SMOX: variants seen among roughly 807,000 people sequenced by gnomAD.
SMOX encodes the protein flavin containing amine oxidase.
SMOX carries 22 observed loss-of-function variants against 51.0 expected under a neutral mutation model. The observed-to-expected ratio is 0.43, with a 90% CI of 0.31 to 0.62. The LOEUF is 0.62. Among genes scored for constraint, SMOX ranks in the 20% least tolerant of loss-of-function variants. The pLI is 0.10. For missense variants in SMOX, 566 were observed against 777.7 expected, an observed-to-expected ratio of 0.73 and a Z score of 3.24; for synonymous variants, 282 against 307.8, an observed-to-expected ratio of 0.92 and a Z score of 0.88.
rs1271249488 is a variant in SMOX at position 4,182,438 on chromosome 20, G to A, written c.959G>A (p.Cys320Tyr). Residue 320 changes from cysteine (C) to tyrosine (Y), a missense_variant, in exon 5 of 7, where the codon TGT (cysteine) becomes TAT (tyrosine). Cys to Tyr is a radical substitution (Grantham distance 194). Transcript: ENST00000305958. The surrounding 1 kb of genome is among the most constrained non-coding windows in gnomAD (Gnocchi z 8.4). ...QWSVVVECED[C>Y]ELIPADHVIV... Reference sequence around the variant, plus strand: ...TCGGTGGTGGTGGAGTGCGAGGACTGTGAGCTGATCCCGGCGGACCATGTG... The same window carrying A: ...TCGGTGGTGGTGGAGTGCGAGGACTATGAGCTGATCCCGGCGGACCATGTG... 6.2e-7 allele frequency: 1 copy of A among 1,602,536 alleles called. No individual in the cohort carries two copies.
At chr20:4,186,424 C>T (rs1041825616) in intron 6 of SMOX, among the ~76,000 whole-genome samples, 4 of 152,190 alleles carry the variant, frequency 2.6e-5, no homozygotes, top group African/African-American at 7.2e-5. Context: ...AGAACTTGTA[C>T]CTTGCCTAGA....
rs180931101 is a variant in SMOX, at chr20:4,173,297, G to C, written c.-26-1733G>C. ...ATAGATTGGGTTTGCCTCTTCCTGA[G>C]CTTCGTGTGAATGAAGTCATACAGT... On this transcript the variant is annotated intron_variant, in intron 1 of 6. Coordinates refer to ENST00000305958, the MANE Select transcript of SMOX (RefSeq NM_175839.3). 3.9e-5 allele frequency among the ~76,000 whole-genome samples: 6 copies of C among 152,264 alleles called. No individual in the cohort carries two copies. In the East Asian group the frequency reaches 9.6e-4, roughly 24 times the overall value.
chr20:4,160,911 AG>A (rs1475497610), intron 1 of SMOX, among the ~76,000 whole-genome samples: 1 of 152,202 alleles, frequency 6.6e-6, no homozygotes, highest in East Asian at 1.9e-4. Flanking sequence ...CTCAGGAGGC[AG>A]GATGGGCTTG....
chr20:4,187,411 C>T lies in SMOX; in HGVS notation c.*4C>T. ...CCTCTTCCAGCAGGGGACCTGAGGG[C>T]TGTCCTCGCTGCTGAGAAGAGCCAC... On this transcript the variant is annotated 3_prime_UTR_variant, in exon 7 of 7. Transcript: ENST00000305958. The surrounding 1 kb of genome is among the most constrained non-coding windows in gnomAD (Gnocchi z 4.8). 6.2e-7 allele frequency: 1 copy of T among 1,612,876 alleles called. No individual in the cohort carries two copies. The highest frequency in any genetic ancestry group is 8.5e-7 in the Non-Finnish European group (1 of 1,179,246).
At chr20:4,180,157 C>T (rs1979215116) in intron 3 of SMOX, among the ~76,000 whole-genome samples, 1 of 152,196 alleles carries the variant, frequency 6.6e-6, no homozygotes, top group African/African-American at 2.4e-5. Context: ...CTGAGGACTC[C>T]AGCTAAGGCT....
At chr20:4,165,794 G>A (rs1384436383) in intron 1 of SMOX, among the ~76,000 whole-genome samples, 3 of 152,206 alleles carry the variant, frequency 2.0e-5, no homozygotes, top group Non-Finnish European at 4.4e-5. Flanking sequence ...AGAGGCTGCT[G>A]CTGGGCAGTT....
rs778483532 is a variant in SMOX, at chr20:4,182,702, T to C, written c.1223T>C (p.Ile408Thr). 6.2e-7 allele frequency: 1 copy of C among 1,614,148 alleles called. No individual in the cohort carries two copies. The highest frequency in any genetic ancestry group is 1.1e-5 in the South Asian group (1 of 91,084). The part of the protein sequence containing the change: ...TYPPELWYRK[I>T]CGFDVLYPPE... ...CCACCTGAGCTCTGGTACCGCAAGA[T>C]CTGCGGCTTTGATGTCCTCTACCCG... Residue 408 changes from isoleucine (I) to threonine (T), a missense_variant, in exon 5 of 7, where the codon ATC (isoleucine) becomes ACC (threonine). Physicochemically the swap from Ile to Thr is moderately conservative, Grantham distance 89 (BLOSUM62 -1). Transcript: ENST00000305958. This position sits in a 1 kb window ranked among gnomAD's most constrained non-coding sequence, Gnocchi z 8.4.
At chr20:4,154,168 G>A (rs928214916) in intron 1 of SMOX, among the ~76,000 whole-genome samples, 1 of 152,192 alleles carries the variant, frequency 6.6e-6, no homozygotes, top group Non-Finnish European at 1.5e-5. Context: ...CTGCCAAGCT[G>A]CTGAGTCTGG....
intron 1 of SMOX, among the ~76,000 whole-genome samples, chr20:4,156,670 G>A (rs549582877): frequency 6.6e-6 from 1 of 152,328 alleles, no homozygotes; most frequent in East Asian, 1.9e-4. Context: ...GCCTCACTGG[G>A]TGAATGAGGA....
chr20:4,169,924 G>A lies in SMOX; in HGVS notation c.-26-5106G>A, dbSNP rs1986751374. Among the ~76,000 whole-genome samples, 3 of 152,118 alleles carry A rather than the reference G, an allele frequency of 2.0e-5. No individual in the cohort carries two copies. The South Asian group carries it at 6.2e-4, about 32-fold the overall frequency. On this transcript the variant is annotated intron_variant, in intron 1 of 6. Coordinates refer to ENST00000305958, the MANE Select transcript of SMOX (RefSeq NM_175839.3). ...AGACTTTTGGTGAAGTTGGGGGTCT[G>A]TGTGTATGTTTTGGCGGGGAGTTGT... is the stretch of plus-strand genomic sequence containing the variant.
rs1049983033 is a variant in SMOX at position 4,172,243 on chromosome 20, G to A, written c.-26-2787G>A. 6.6e-5 allele frequency among the ~76,000 whole-genome samples: 10 copies of A among 152,230 alleles called. No individual in the cohort carries two copies. The highest frequency in any genetic ancestry group is 8.8e-5 in the Non-Finnish European group (6 of 68,030). On this transcript the variant is annotated intron_variant, in intron 1 of 6. Transcript: ENST00000305958. This position sits in a 1 kb window ranked among gnomAD's most constrained non-coding sequence, Gnocchi z 7.7. ...CCCGCCGGGCGGGTTGCGGCGCCAC[G>A]TCAGTCCAGGGTGCCCAGGGTGGCG... is the stretch of plus-strand genomic sequence containing the variant.
chr20:4,160,215 G>C (rs896741238), intron 1 of SMOX, among the ~76,000 whole-genome samples: 1 of 152,198 alleles, frequency 6.6e-6, no homozygotes, highest in African/African-American at 2.4e-5. Flanking sequence ...AAAGCAGGTA[G>C]CTTCCCGGTG....
At chr20:4,154,735 G>A (rs1295103291) in intron 1 of SMOX, among the ~76,000 whole-genome samples, 2 of 152,096 alleles carry the variant, frequency 1.3e-5, no homozygotes, top group Non-Finnish European at 2.9e-5. Flanking sequence ...TGTATAGCAA[G>A]GATTTAGACT....
rs1298946782 is a variant in SMOX at position 4,148,963 on chromosome 20, G to C, written c.-41G>C. On this transcript the variant is annotated 5_prime_UTR_variant, in exon 1 of 7. Coordinates refer to ENST00000305958, the MANE Select transcript of SMOX (RefSeq NM_175839.3). ...CGCTCGCCGCAGACTTACTTCCCCGGCTCAGCAGGGAAAGGTACGGTGCGC... is the reference window on the plus strand; with the variant it reads ...CGCTCGCCGCAGACTTACTTCCCCGCCTCAGCAGGGAAAGGTACGGTGCGC... 1.3e-5 allele frequency: 2 copies of C among 151,900 alleles called. No individual in the cohort carries two copies. Among genetic ancestry groups the C allele is most frequent in the Admixed American group, 6.6e-5 (1 of 15,244 alleles). 9.4% of individuals were successfully genotyped at this position (151,900 alleles called of 1,614,324 possible). A position where few individuals can be genotyped will look rare whatever the true frequency, so the allele number is the denominator to read the frequency against.
rs1457713610 is a variant in SMOX at position 4,187,330 on chromosome 20, G to A, written c.1591G>A (p.Gly531Ser). The A allele has an allele frequency of 1.2e-6, 2 of 1,614,156 alleles. No individual in the cohort carries two copies. Among genetic ancestry groups the A allele is most frequent in the East Asian group, 2.2e-5 (1 of 44,872 alleles). The change falls in exon 7 of 7, where the codon GGT becomes AGT. Residue 531 changes from glycine to serine, a missense_variant. By Grantham distance (56) the Gly-to-Ser change is moderately conservative. Around this residue, in one of 3 missense-constraint regions of SMOX, gnomAD observed 347 missense variants for 481.8 expected, o/e 0.72. Transcript: ENST00000305958. The surrounding 1 kb of genome is among the most constrained non-coding windows in gnomAD (Gnocchi z 4.8). The stretch of plus-strand genomic sequence containing the variant: ...CCGCAAGTACTATTCCACCACCCAC[G>A]GTGCTCTGCTGTCCGGCCAGCGTGA... ...THRKYYSTTHGALLSGQREAA... is the reference protein window; with the variant it reads ...THRKYYSTTHSALLSGQREAA...
At position 4,182,323 on chromosome 20, in the gene SMOX, G is replaced by T; in HGVS notation, c.844G>T (p.Gly282Cys). The T allele has an allele frequency of 6.3e-7, 1 of 1,597,288 alleles. No homozygotes were observed. The highest frequency in any genetic ancestry group is 8.6e-7 in the Non-Finnish European group (1 of 1,168,480). Residue 282 changes from glycine (G) to cysteine (C), a missense_variant, in exon 5 of 7, where the codon GGT (glycine) becomes TGT (cysteine). Transcript: ENST00000305958. This position sits in a 1 kb window ranked among gnomAD's most constrained non-coding sequence, Gnocchi z 8.4. The stretch of plus-strand genomic sequence containing the variant: ...CAGAGGCCCTGAGATTGAGCCCCGG[G>T]GTGAGGGCGACCACAATCACGACAC... ...RPRGPEIEPRGEGDHNHDTGE... is the reference protein window; with the variant it reads ...RPRGPEIEPRCEGDHNHDTGE...
intron 1 of SMOX, among the ~76,000 whole-genome samples, chr20:4,161,762 T>A (rs186580435): frequency 6.6e-6 from 1 of 152,292 alleles, no homozygotes; most frequent in African/African-American, 2.4e-5. Flanking sequence ...GGCGTCTGGG[T>A]GTTGCAGTAT....
At position 4,174,312 on chromosome 20, in the gene SMOX, A is replaced by G. The variant is rs1051684852; in HGVS notation, c.-26-718A>G. ...AGGGTCCAGGGTTGTGTGTGCAAGTATCCTGGGATCTGTGTTGAGTATCCT... is the reference window on the plus strand; with the variant it reads ...AGGGTCCAGGGTTGTGTGTGCAAGTGTCCTGGGATCTGTGTTGAGTATCCT... On this transcript the variant is annotated intron_variant, in intron 1 of 6. Coordinates refer to ENST00000305958, the MANE Select transcript of SMOX (RefSeq NM_175839.3). Among the ~76,000 whole-genome samples, 8 of 152,018 alleles carry G rather than the reference A, an allele frequency of 5.3e-5. No individual in the cohort carries two copies. The South Asian group carries it at 8.3e-4, about 16-fold the overall frequency.
rs1244075756 is a variant in SMOX at position 4,177,872 on chromosome 20, CTT to C, written c.435+301_435+302del. Among the ~76,000 whole-genome samples the C allele has an allele frequency of 6.6e-6, 1 of 152,018 alleles. No individual in the cohort carries two copies. Among genetic ancestry groups the C allele is most frequent in the Non-Finnish European group, 1.5e-5 (1 of 67,982 alleles). The stretch of plus-strand genomic sequence containing the variant: ...TCTACACAAAAAATGAGAATTTTGT[CTT>C]TTTTTCCTTTCTAGTCATTAGACCA... On this transcript the variant is annotated intron_variant, in intron 3 of 6. Transcript: ENST00000305958. The surrounding 1 kb of genome is among the most constrained non-coding windows in gnomAD (Gnocchi z 4.3).
Sources: allele counts gnomAD v4.1 joint callset (sites outside exome capture counted in the v4.1 genomes callset), GRCh38; gene constraint gnomAD v4.1.1; regional missense constraint gnomAD v4.1.1; non-coding constraint Gnocchi (gnomAD v3.1); transcripts MANE v1.5; gene names NCBI Gene and HGNC (gene_info 2026-07-23, HGNC 2026-07-21).